PSD3: variants seen among roughly 807,000 people sequenced by gnomAD.
PSD3 encodes the protein PH and SEC7 domain-containing protein 3.
A neutral mutation model predicts 105.5 loss-of-function variants in PSD3; 49 were observed. The ratio of observed to expected loss-of-function variants is 0.46; its 90% CI spans 0.37 to 0.59. PSD3 has a LOEUF of 0.59. PSD3 is among the 20% of genes least tolerant of loss of function. The probability of loss-of-function intolerance (pLI) is 0.00; values close to 1 mark genes in which losing one functional copy is unlikely to be tolerated. For synonymous variants in PSD3, 557 were observed against 457.8 expected (o/e 1.22, Z -2.77); for missense variants, 1,561 against 1,263.8 (o/e 1.24, Z -3.57).
At chr8:18,680,496 C>CT (rs1295872098) in intron 9 of PSD3, among the ~76,000 whole-genome samples, 6 of 152,128 alleles carry the variant, frequency 3.9e-5, no homozygotes, top group Admixed American at 3.9e-4. Flanking sequence ...AACAGACACC[C>CT]AATGAAGAGC....
At chr8:18,895,513 C>T (rs1373505943) in intron 2 of PSD3, among the ~76,000 whole-genome samples, 5 of 152,164 alleles carry the variant, frequency 3.3e-5, no homozygotes, top group Admixed American at 2.6e-4. Flanking sequence ...GAATTAAATG[C>T]CAACCCTAAC....
chr8:18,905,610 C>T lies in PSD3; in HGVS notation c.130+30424G>A, dbSNP rs376340958. Among the ~76,000 whole-genome samples, 5 of 152,320 alleles carry T rather than the reference C, an allele frequency of 3.3e-5. No individual in the cohort carries two copies. The South Asian group carries it at 8.3e-4, about 25-fold the overall frequency. On this transcript the variant is annotated intron_variant, in intron 2 of 15. Transcript: ENST00000327040. ...GTGCTGGGATTATAGGCGTGAGCCA[C>T]CACACCCGGCCTCTTCTTTTATTCT...
At chr8:18,945,960 G>T (rs944962572) in intron 1 of PSD3, among the ~76,000 whole-genome samples, 1 of 151,870 alleles carries the variant, frequency 6.6e-6, no homozygotes, top group African/African-American at 2.4e-5. Context: ...GCGAAAGAGT[G>T]AGACTCCATC....
chr8:18,928,032 C>T (rs1821485960), intron 2 of PSD3, among the ~76,000 whole-genome samples: 1 of 152,140 alleles, frequency 6.6e-6, no homozygotes, highest in Non-Finnish European at 1.5e-5. Flanking sequence ...TACATCCACT[C>T]AAAAACTTGT....
rs538556424 is a variant in PSD3 at position 18,990,879 on chromosome 8, T to G, written c.21+22684A>C. Among the ~76,000 whole-genome samples, 3 of 152,276 alleles carry G rather than the reference T, an allele frequency of 2.0e-5. No homozygotes were observed. The East Asian group carries it at 5.8e-4, about 29-fold the overall frequency. On this transcript the variant is annotated intron_variant, in intron 1 of 15. Coordinates refer to ENST00000327040, the MANE Select transcript of PSD3 (RefSeq NM_015310.4). Reference sequence around the variant, plus strand: ...AACAGTCATGCAGTGATCTCAGTTTTGCCAAAGTGCTTTCAAATAACTGAG... The same window carrying G: ...AACAGTCATGCAGTGATCTCAGTTTGGCCAAAGTGCTTTCAAATAACTGAG...
chr8:18,561,391 T>C (rs1008748085), intron 14 of PSD3, among the ~76,000 whole-genome samples: 2 of 152,108 alleles, frequency 1.3e-5, no homozygotes, highest in African/African-American at 4.8e-5. Flanking sequence ...AAGACAGATA[T>C]TGGATGATCT....
intron 1 of PSD3, among the ~76,000 whole-genome samples, chr8:19,068,179 C>G (rs922861379): frequency 3.3e-5 from 5 of 152,076 alleles, no homozygotes; most frequent in Admixed American, 6.6e-5. Context: ...GAGGATACAG[C>G]CCCTTGAGAT....
At chr8:18,956,305 T>G (rs1823571476) in intron 1 of PSD3, among the ~76,000 whole-genome samples, 1 of 152,052 alleles carries the variant, frequency 6.6e-6, no homozygotes, top group African/African-American at 2.4e-5. Flanking sequence ...TGCACAACAC[T>G]GGTATCCCGC....
chr8:19,053,090 G>A (rs374307386), intron 1 of PSD3, among the ~76,000 whole-genome samples: 13 of 152,298 alleles, frequency 8.5e-5, no homozygotes, highest in African/African-American at 3.1e-4. Context: ...TAGTCTTGGA[G>A]TGACAAGGTG....
chr8:19,029,396 A>T (rs1827678512), intron 1 of PSD3, among the ~76,000 whole-genome samples: 1 of 152,198 alleles, frequency 6.6e-6, no homozygotes, highest in African/African-American at 2.4e-5. Context: ...CATGCTGCTA[A>T]TAAAGACATA....
At chr8:18,766,110 G>T (rs999102605) in intron 8 of PSD3, among the ~76,000 whole-genome samples, 4 of 152,158 alleles carry the variant, frequency 2.6e-5, no homozygotes, top group Non-Finnish European at 4.4e-5. Context: ...GAGGTGCGTG[G>T]ATTACTTGAG....
chr8:18,697,335 T>C (rs1801318107), intron 9 of PSD3, among the ~76,000 whole-genome samples: 1 of 152,076 alleles, frequency 6.6e-6, no homozygotes, highest in Admixed American at 6.6e-5. Context: ...TGTCAGTACT[T>C]TTACCATCCA....
rs145944099 is a variant in PSD3 at position 18,830,675 on chromosome 8, G to A, written c.1635-25777C>T. 6.8e-3 allele frequency among the ~76,000 whole-genome samples: 1,036 copies of A among 152,228 alleles called. 9 individuals are homozygous for A. The highest frequency in any genetic ancestry group is 0.022 in the African/African-American group (922 of 41,540). On this transcript the variant is annotated intron_variant, in intron 4 of 15. Transcript: ENST00000327040. ...GAGTTACCTAAAGAACAACATGGTC[G>A]CGAAAGGAGATAAAAAGACTGCAGC...
At chr8:18,563,191 T>A (rs570846793) in intron 14 of PSD3, among the ~76,000 whole-genome samples, 1 of 152,312 alleles carries the variant, frequency 6.6e-6, no homozygotes, top group East Asian at 1.9e-4. Flanking sequence ...GCTTTTGGTT[T>A]ATAGACATTA....
intron 9 of PSD3, among the ~76,000 whole-genome samples, chr8:18,704,715 T>G (rs968611084): frequency 6.6e-6 from 1 of 152,216 alleles, no homozygotes; most frequent in Non-Finnish European, 1.5e-5. Flanking sequence ...CTAGTTCTAT[T>G]GCTTTGTTCT....
At chr8:18,730,657 T>A (rs968672276) in intron 9 of PSD3, among the ~76,000 whole-genome samples, 22 of 152,220 alleles carry the variant, frequency 1.4e-4, no homozygotes, top group African/African-American at 5.3e-4. Flanking sequence ...TTTACACATA[T>A]TTTTGGCTTC....
chr8:18,681,636 T>C (rs1384213806), intron 9 of PSD3, among the ~76,000 whole-genome samples: 2 of 152,068 alleles, frequency 1.3e-5, no homozygotes, highest in Admixed American at 6.6e-5. Flanking sequence ...TATAGTATAA[T>C]TAAGTTCAGT....
At chr8:19,081,016 A>T (rs1475025534) in intron 1 of PSD3, among the ~76,000 whole-genome samples, 2 of 152,138 alleles carry the variant, frequency 1.3e-5, no homozygotes, top group Non-Finnish European at 2.9e-5. Context: ...TTATCCTCTT[A>T]TCTTTAGCCC....
At chr8:18,830,368 G>C (rs893982748) in intron 4 of PSD3, among the ~76,000 whole-genome samples, 2 of 152,150 alleles carry the variant, frequency 1.3e-5, no homozygotes, top group African/African-American at 2.4e-5. Context: ...GTTATATTTG[G>C]TGTTCCCAAT....
Sources: allele counts gnomAD v4.1 joint callset (sites outside exome capture counted in the v4.1 genomes callset), GRCh38; gene constraint gnomAD v4.1.1; transcripts MANE v1.5; gene names NCBI Gene and HGNC (gene_info 2026-07-23, HGNC 2026-07-21).